RP1: variants seen among roughly 807,000 people sequenced by gnomAD.
RP1 encodes the protein RP1 axonemal microtubule associated.
RP1 carries 16 observed loss-of-function variants against 14.8 expected under a neutral mutation model. The ratio of observed to expected loss-of-function variants is 1.08; its 90% CI spans 0.73 to 1.65. The LOEUF is 1.65. Ranked by LOEUF, RP1 falls within the 40% of genes most tolerant of loss-of-function variation. The pLI is 0.00. For missense variants in RP1, 2,631 were observed against 2,535.0 expected, an observed-to-expected ratio of 1.04 and a Z score of -0.81; for synonymous variants, 876 against 883.6, an observed-to-expected ratio of 0.99 and a Z score of 0.15.
intron 17 of RP1, among the ~76,000 whole-genome samples, chr8:54,729,058 G>A (rs1474057678): frequency 6.6e-6 from 1 of 152,086 alleles, no homozygotes; most frequent in Non-Finnish European, 1.5e-5. Flanking sequence ...CATTACTTCT[G>A]CATAATTTTA....
At chr8:54,686,377 C>T (rs541787124) in intron 12 of RP1, among the ~76,000 whole-genome samples, 1 of 122,292 alleles carries the variant, frequency 8.2e-6, no homozygotes, top group Admixed American at 9.0e-5. Flanking sequence ...ACAATTTTCA[C>T]TCCAGAAAAA....
At chr8:54,774,627 C>T (rs1809990660), downstream of RP1, among the ~76,000 whole-genome samples, 1 of 152,092 alleles carries the variant, frequency 6.6e-6, no homozygotes, top group African/African-American at 2.4e-5. Context: ...TCATTTGCTC[C>T]CAAATTAAAT....
At chr8:54,669,734 G>C (rs903579078) in intron 7 of RP1, among the ~76,000 whole-genome samples, 2 of 152,138 alleles carry the variant, frequency 1.3e-5, no homozygotes, top group Non-Finnish European at 2.9e-5. Flanking sequence ...ACAGGGCCAT[G>C]GATGAAGCTG....
At chr8:54,604,506 T>G (rs1805377713) in intron 1 of RP1, among the ~76,000 whole-genome samples, 2 of 152,330 alleles carry the variant, frequency 1.3e-5, no homozygotes, top group South Asian at 4.1e-4. Context: ...TCTCTTTTTT[T>G]GTTGTGTCTC....
chr8:54,815,122 C>A (rs1248014596), intron 24 of RP1, among the ~76,000 whole-genome samples: 2 of 152,198 alleles, frequency 1.3e-5, no homozygotes, highest in Non-Finnish European at 2.9e-5. Context: ...TTTAATAACT[C>A]TTAGTCATAG....
intron 23 of RP1, among the ~76,000 whole-genome samples, chr8:54,778,647 T>C (rs1194810025): frequency 5.3e-5 from 8 of 152,204 alleles, no homozygotes; most frequent in Non-Finnish European, 1.0e-4. Context: ...TAAGAGAAGG[T>C]GACCTTTGAG....
At chr8:54,565,233 C>G (rs1451503054) in intron 1 of RP1, among the ~76,000 whole-genome samples, 5 of 152,146 alleles carry the variant, frequency 3.3e-5, no homozygotes, top group Non-Finnish European at 7.4e-5. Context: ...TCCAGGAAGA[C>G]AGATGGGCCA....
Position 54,621,005 on chromosome 8 carries a change from T to C in RP1, c.39T>C (p.His13=). Reference sequence around the variant, plus strand: ...CTTCTACTGGTTTTTCCATCATTCATCCTACGTCTTCTGAAGGTCAAGTTC... The same window carrying C: ...CTTCTACTGGTTTTTCCATCATTCACCCTACGTCTTCTGAAGGTCAAGTTC... ...DTPSTGFSII[H]PTSSEGQVPP... The change falls in exon 2 of 4, where the codon CAT becomes CAC. Residue 13 remains histidine (H), a synonymous_variant. Coordinates refer to ENST00000220676, the MANE Select transcript of RP1 (RefSeq NM_006269.2). 1 of 1,614,178 alleles carries C rather than the reference T, an allele frequency of 6.2e-7. No homozygotes were observed. The highest frequency in any genetic ancestry group is 8.5e-7 in the Non-Finnish European group (1 of 1,180,038).
intron 12 of RP1, among the ~76,000 whole-genome samples, chr8:54,684,059 A>G (rs1349385685): frequency 7.7e-6 from 1 of 130,718 alleles, no homozygotes; most frequent in African/African-American, 2.9e-5. Flanking sequence ...TTCTGTGTCT[A>G]TTGAGATAAT....
rs79705937 is a variant in RP1 at position 54,691,600 on chromosome 8, C to T, written c.1718-7867C>T. 7.4e-3 allele frequency among the ~76,000 whole-genome samples: 1,121 copies of T among 151,904 alleles called. 15 individuals are homozygous for T. Among genetic ancestry groups the T allele is most frequent in the African/African-American group, 0.026 (1,073 of 41,438 alleles). On this transcript the variant is annotated intron_variant, in intron 12 of 22. Coordinates refer to the RP1 transcript ENST00000636932. ...ATTTATAGATTATTAAAGCAGACTT[C>T]CCAGGGAGCGAGAAGAAGAGGCATG... is the stretch of plus-strand genomic sequence containing the variant.
chr8:54,725,297 G>T (rs1279015011), intron 16 of RP1, among the ~76,000 whole-genome samples: 1 of 151,744 alleles, frequency 6.6e-6, no homozygotes, highest in Non-Finnish European at 1.5e-5. Flanking sequence ...TCTTTTTAAT[G>T]TTTTAAAGTT....
intron 16 of RP1, among the ~76,000 whole-genome samples, chr8:54,721,885 G>A (rs1271475982): frequency 6.6e-6 from 1 of 152,070 alleles, no homozygotes; most frequent in Non-Finnish European, 1.5e-5. Flanking sequence ...CATTCCATTG[G>A]GATTTCTGAG....
rs868005849 is a variant in RP1, at chr8:54,629,684, A to AT, written c.5805dup (p.Ala1936CysfsTer7). 3 of 1,613,742 alleles carry AT rather than the reference A, an allele frequency of 1.9e-6. No individual in the cohort carries two copies. The East Asian group carries it at 6.7e-5, about 36-fold the overall frequency. On this transcript the variant is annotated frameshift_variant, in exon 4 of 4. Coordinates refer to ENST00000220676, the MANE Select transcript of RP1 (RefSeq NM_006269.2). LOFTEE classifies it low-confidence loss of function (END_TRUNC). ...AACCCATGAATGAGGAAGACCGAGG[A>AT]TTTGCATATCGCAAAGAATCTGATA... is the stretch of plus-strand genomic sequence containing the variant.
intron 24 of RP1, among the ~76,000 whole-genome samples, chr8:54,819,984 G>A (rs1811219074): frequency 6.6e-6 from 1 of 152,048 alleles, no homozygotes; most frequent in Admixed American, 6.5e-5. Flanking sequence ...TTTTTATCAG[G>A]GCCCAATGGC....
intron 1 of RP1, among the ~76,000 whole-genome samples, chr8:54,585,194 C>G (rs541526173): frequency 1.7e-3 from 259 of 152,290 alleles, no homozygotes; most frequent in Non-Finnish European, 3.0e-3. Context: ...CAGGCCTGGT[C>G]ATGAGAAAAT....
intron 5 of RP1, among the ~76,000 whole-genome samples, chr8:54,655,272 T>C (rs1195978510): frequency 6.6e-6 from 1 of 152,196 alleles, no homozygotes; most frequent in East Asian, 1.9e-4. Context: ...TTCACTATTT[T>C]GTGACATCAA....
At chr8:54,658,455 G>A (rs1172164357) in intron 6 of RP1, among the ~76,000 whole-genome samples, 1 of 147,324 alleles carries the variant, frequency 6.8e-6, no homozygotes. Flanking sequence ...GGAGGCTGAG[G>A]CAGGAGAATG....
At chr8:54,635,250 A>C (rs1263750350), downstream of RP1, among the ~76,000 whole-genome samples, 1 of 152,192 alleles carries the variant, frequency 6.6e-6, no homozygotes, top group Non-Finnish European at 1.5e-5. Flanking sequence ...CAGCAAGAAC[A>C]AAAAACAAAG....
At chr8:54,801,692 G>A (rs1810711676) in intron 24 of RP1, among the ~76,000 whole-genome samples, 1 of 152,084 alleles carries the variant, frequency 6.6e-6, no homozygotes, top group Admixed American at 6.6e-5. Context: ...GCAAGAGAGT[G>A]CAAACTCTTA....
Sources: gnomAD v4.1 joint callset for allele counts (sites outside exome capture counted in the v4.1 genomes callset) on GRCh38, gnomAD v4.1.1 for gene constraint, MANE v1.5 for transcripts, NCBI Gene and HGNC (gene_info 2026-07-23, HGNC 2026-07-21) for gene names.